Variants in TTC7A observed in about 807,000 individuals in gnomAD.
TTC7A encodes tetratricopeptide repeat domain 7A.
Under a neutral mutation model 103.7 loss-of-function variants are expected in TTC7A, and 110 were observed. The ratio of observed to expected loss-of-function variants is 1.06; its 90% CI spans 0.91 to 1.24. TTC7A has a LOEUF of 1.24. TTC7A is among the 50% of genes most tolerant of loss of function. TTC7A has a pLI of 0.00. For missense variants in TTC7A, 1,340 were observed against 1,116.3 expected (o/e 1.20, Z -2.86); for synonymous variants, 521 against 467.9 (o/e 1.11, Z -1.47).
intron 3 of TTC7A, among the ~76,000 whole-genome samples, chr2:46,958,795 G>A (rs1229957540): frequency 6.6e-6 from 1 of 152,206 alleles, no homozygotes; most frequent in African/African-American, 2.4e-5. Context: ...GGGTTTGGGG[G>A]ATCCGGTGGG....
intron 15 of TTC7A, among the ~76,000 whole-genome samples, chr2:47,039,631 G>A (rs1681522077): frequency 6.6e-6 from 1 of 152,226 alleles, no homozygotes; most frequent in Non-Finnish European, 1.5e-5. Flanking sequence ...TATAGCAGTG[G>A]GAAGAAATTG....
intron 5 of TTC7A, among the ~76,000 whole-genome samples, chr2:46,982,047 C>G (rs1463496098): frequency 6.6e-6 from 1 of 152,166 alleles, no homozygotes; most frequent in Non-Finnish European, 1.5e-5. Context: ...GGGACAGGCA[C>G]GCACGAGTCC....
chr2:47,051,975 G>T, intron 18 of TTC7A, 95 bp downstream of exon 18: 1 of 1,464,480 alleles, frequency 6.8e-7, no homozygotes, highest in Non-Finnish European at 9.2e-7. Context: ...GGGGAGGTGG[G>T]GACACCTTGC....
intron 5 of TTC7A, among the ~76,000 whole-genome samples, chr2:46,979,976 G>A (rs1188700584): frequency 1.3e-5 from 2 of 152,242 alleles, no homozygotes; most frequent in African/African-American, 4.8e-5. Flanking sequence ...GTCAGGCCCA[G>A]TAGGTGTGAC....
chr2:47,026,021 T>C (rs548872957), intron 14 of TTC7A, among the ~76,000 whole-genome samples: 1 of 152,362 alleles, frequency 6.6e-6, no homozygotes, highest in Admixed American at 6.5e-5. Flanking sequence ...CTCTGATGAA[T>C]AGCATCCATC....
chr2:46,922,040 A>AT (rs1307441522), intron 2 of TTC7A, among the ~76,000 whole-genome samples: 1 of 152,212 alleles, frequency 6.6e-6, no homozygotes, highest in African/African-American at 2.4e-5. Context: ...AAGTTTTTGG[A>AT]TTTTTTTGGT....
At chr2:47,006,853 AGT>A in intron 10 of TTC7A, 129 bp downstream of exon 10, 1 of 745,456 alleles carries the variant, frequency 1.3e-6, no homozygotes, top group East Asian at 2.7e-5. Flanking sequence ...CCTCCGGGAG[AGT>A]GAGGGGCGTG....
intron 18 of TTC7A, among the ~76,000 whole-genome samples, chr2:47,058,150 AC>A (rs1265799752): frequency 1.3e-5 from 2 of 151,834 alleles, no homozygotes; most frequent in Non-Finnish European, 1.5e-5. Flanking sequence ...GGGTTCAAAG[AC>A]CCCATTTCCT....
chr2:47,011,621 C>T (rs940787316), intron 11 of TTC7A, among the ~76,000 whole-genome samples, 186 bp downstream of exon 11: 1 of 152,174 alleles, frequency 6.6e-6, no homozygotes, highest in Non-Finnish European at 1.5e-5. Flanking sequence ...TGGCAGGGTC[C>T]CCTGACTCAG....
intron 2 of TTC7A, among the ~76,000 whole-genome samples, chr2:46,928,358 C>A (rs929455134): frequency 1.3e-5 from 2 of 151,538 alleles, no homozygotes; most frequent in Non-Finnish European, 2.9e-5. Flanking sequence ...ACTATGTCCT[C>A]CACACAGTAT....
intron 1 of TTC7A, among the ~76,000 whole-genome samples, chr2:46,944,183 A>G (rs17035912): frequency 0.053 from 8,048 of 152,212 alleles, 236 homozygotes; most frequent in African/African-American, 0.075. Flanking sequence ...CATCCAAGTG[A>G]TTAAAAAACA....
At chr2:46,982,752 C>G (rs941558649) in intron 5 of TTC7A, among the ~76,000 whole-genome samples, 2 of 152,104 alleles carry the variant, frequency 1.3e-5, no homozygotes, top group South Asian at 4.1e-4. Context: ...TTGCTGGAGC[C>G]CACAAGTTTG....
At chr2:46,923,314 C>A (rs1669203050) in intron 2 of TTC7A, among the ~76,000 whole-genome samples, 1 of 152,190 alleles carries the variant, frequency 6.6e-6, no homozygotes, top group African/African-American at 2.4e-5. Flanking sequence ...AGAGTCCCAA[C>A]CTTCTAATCA....
intron 14 of TTC7A, among the ~76,000 whole-genome samples, chr2:47,027,491 T>C (rs542269371): frequency 2.6e-5 from 4 of 152,378 alleles, no homozygotes; most frequent in South Asian, 2.1e-4. Flanking sequence ...GATAGCATTT[T>C]TGCATGTACA....
intron 8 of TTC7A, chr2:46,999,755 A>C (rs1456514394): frequency 2.0e-6 from 2 of 985,324 alleles, no homozygotes; most frequent in Non-Finnish European, 2.4e-6. Flanking sequence ...TTATTTCTGA[A>C]ATACTGATCT....
chr2:47,070,502 CAGGCAGG>C (rs2103631326), intron 19 of TTC7A, among the ~76,000 whole-genome samples: 1 of 152,312 alleles, frequency 6.6e-6, no homozygotes, highest in South Asian at 2.1e-4. Flanking sequence ...AATAACAAAG[CAGGCAGG>C]AGGCTGGGGC....
chr2:46,981,651 T>C (rs556579469), intron 5 of TTC7A, among the ~76,000 whole-genome samples: 43 of 152,316 alleles, frequency 2.8e-4, no homozygotes, highest in African/African-American at 9.4e-4. Context: ...CAAAGGCCCA[T>C]GAAGCTGCTG....
In TTC7A at chr2:47,028,366, G is replaced by C. The variant is rs377602822; in HGVS notation, c.1642-858G>C. Among the ~76,000 whole-genome samples the C allele has an allele frequency of 6.8e-4, 104 of 152,374 alleles. 1 individual carries two copies. The highest frequency in any genetic ancestry group is 2.4e-3 in the African/African-American group (101 of 41,586). On this transcript the variant is annotated intron_variant, in intron 14 of 19. Transcript: ENST00000319190. ...CTGCAAATCACCCGTGCCCTCTGCA[G>C]CCAGATCCAGTAGAACATTGGAGTC... is the stretch of plus-strand genomic sequence containing the variant.
At chr2:46,951,862 G>C in intron 2 of TTC7A, 2 of 347,272 alleles carry the variant, frequency 5.8e-6, no homozygotes, top group Non-Finnish European at 1.1e-5. Flanking sequence ...CAGGTCTCTT[G>C]GGAAGATAAG....
Sources: allele counts gnomAD v4.1 joint callset (sites outside exome capture counted in the v4.1 genomes callset), GRCh38; gene constraint gnomAD v4.1.1; transcripts MANE v1.5; gene names NCBI Gene and HGNC (gene_info 2026-07-23, HGNC 2026-07-21).